The following NDEL1 variants were observed in gnomAD, a reference collection of about 807,000 sequenced individuals.
NDEL1 encodes nuclear distribution protein nudE-like 1.
NDEL1 carries 9 observed loss-of-function variants against 45.7 expected under a neutral mutation model. The ratio of observed to expected loss-of-function variants is 0.20; its 90% CI spans 0.12 to 0.34. The LOEUF is 0.34. NDEL1 is among the 10% of genes least tolerant of loss of function. NDEL1 has a pLI of 1.00. For missense variants in NDEL1, 306 were observed against 406.2 expected, an observed-to-expected ratio of 0.75 and a Z score of 2.12; for synonymous variants, 133 against 158.6, an observed-to-expected ratio of 0.84 and a Z score of 1.21.
intron 1 of NDEL1, among the ~76,000 whole-genome samples, chr17:8,421,561 G>A (rs368744085): frequency 3.3e-5 from 5 of 152,184 alleles, no homozygotes; most frequent in Non-Finnish European, 7.3e-5. Flanking sequence ...AGGAACCAAC[G>A]CTGCCCGACA....
upstream of NDEL1, among the ~76,000 whole-genome samples, chr17:8,431,012 A>G (rs1908986096): frequency 6.6e-6 from 1 of 152,174 alleles, no homozygotes; most frequent in South Asian, 2.1e-4. Flanking sequence ...GATAAGGCCA[A>G]TAGTCCAGTC....
intron 1 of NDEL1, among the ~76,000 whole-genome samples, chr17:8,415,397 A>G (rs1448006467): frequency 1.3e-5 from 2 of 148,906 alleles, no homozygotes; most frequent in South Asian, 2.1e-4. Flanking sequence ...ATTTATATGT[A>G]TACTTTTTTT....
chr17:8,418,827 C>T (rs1357478809), intron 1 of NDEL1, among the ~76,000 whole-genome samples: 2 of 125,534 alleles, frequency 1.6e-5, no homozygotes, highest in African/African-American at 5.2e-5. Context: ...CTTCCTCTCT[C>T]TCTCTCTCTT....
At chr17:8,472,429 G>A (rs1235080898), downstream of NDEL1, among the ~76,000 whole-genome samples, 1 of 152,192 alleles carries the variant, frequency 6.6e-6, no homozygotes, top group African/African-American at 2.4e-5. Flanking sequence ...AGGCCAAGGC[G>A]GGACGAATCA....
chr17:8,446,856 G>A lies in NDEL1; in HGVS notation c.343G>A (p.Val115Met). 6.2e-7 allele frequency: 1 copy of A among 1,614,182 alleles called. No individual in the cohort carries two copies. The highest frequency in any genetic ancestry group is 8.5e-7 in the Non-Finnish European group (1 of 1,180,024). ...CATTAAGGAGCAGTTGCATAAGTATGTGAGAGAGCTGGAGCAGGCCAACGA... is the reference window on the plus strand; with the variant it reads ...CATTAAGGAGCAGTTGCATAAGTATATGAGAGAGCTGGAGCAGGCCAACGA... ...RAIKEQLHKY[V>M]RELEQANDDL... The change falls in exon 4 of 9, where the codon GTG becomes ATG. Residue 115 changes from valine to methionine, a missense_variant. By Grantham distance (21) the Val-to-Met change is conservative. Transcript: ENST00000334527.
intron 1 of NDEL1, among the ~76,000 whole-genome samples, chr17:8,426,534 A>G (rs1454791067): frequency 6.6e-6 from 1 of 152,128 alleles, no homozygotes; most frequent in Non-Finnish European, 1.5e-5. Context: ...TGGGCAATTA[A>G]CAGTGTCATG....
At position 8,417,533 on chromosome 17, in the gene NDEL1, G is replaced by T. The variant is rs572705797; in HGVS notation, c.-13+4264G>T. ...CAAGGAACTAGAAGCCGATTGAAGG[G>T]TGTTTGGGTCTGTGTCTGTGCGTGT... On this transcript the variant is annotated intron_variant, in intron 1 of 4. Transcript: ENST00000582812. 1.2e-4 allele frequency among the ~76,000 whole-genome samples: 19 copies of T among 152,306 alleles called. No homozygotes were observed. In the South Asian group the frequency reaches 3.1e-3, roughly 25 times the overall value.
chr17:8,471,797 A>G (rs921387498), downstream of NDEL1, among the ~76,000 whole-genome samples: 7 of 152,332 alleles, frequency 4.6e-5, no homozygotes, highest in African/African-American at 1.7e-4. Flanking sequence ...GCAGGTGCCT[A>G]CAGAAGGAAG....
upstream of NDEL1, chr17:8,431,875 C>T (rs1456025974): frequency 8.0e-4 from 18 of 22,480 alleles, no homozygotes; most frequent in East Asian, 0.031. Context: ...GGTCAAGACA[C>T]CTTTTTTTTT....
At position 8,468,161 on chromosome 17, in the gene NDEL1, G is replaced by A. The variant is rs562361370; in HGVS notation, c.*1138G>A. 6.6e-6 allele frequency: 1 copy of A among 152,440 alleles called. No homozygotes were observed. Among genetic ancestry groups the A allele is most frequent in the African/African-American group, 2.4e-5 (1 of 41,568 alleles). 9.4% of individuals were successfully genotyped at this position (152,440 alleles called of 1,614,324 possible). A position where few individuals can be genotyped will look rare whatever the true frequency, so the allele number is the denominator to read the frequency against. The stretch of plus-strand genomic sequence containing the variant: ...AAACAATAAATTTCACAGAAAAAAA[G>A]GATTGACGTTGCTTTATTCAGTCTC... On this transcript the variant is annotated 3_prime_UTR_variant, in exon 9 of 9. Transcript: ENST00000334527.
chr17:8,472,022 TC>T (rs1199651144), downstream of NDEL1, among the ~76,000 whole-genome samples: 2 of 152,146 alleles, frequency 1.3e-5, no homozygotes. Context: ...CCTCACCACT[TC>T]CTAACGATTC....
At position 8,466,996 on chromosome 17, in the gene NDEL1, G is replaced by C; in HGVS notation, c.1011G>C (p.Ala337=). Residue 337 remains alanine (A), a synonymous_variant, in exon 9 of 9, where the codon GCG becomes GCC. Coordinates refer to ENST00000334527, the MANE Select transcript of NDEL1 (RefSeq NM_030808.5). Reference sequence around the variant, plus strand: ...TGGGCTCCTCGCGTCCATCGTCAGCGCCGGGTATGCTGCCTCTCAGTGTGT... The same window carrying C: ...TGGGCTCCTCGCGTCCATCGTCAGCCCCGGGTATGCTGCCTCTCAGTGTGT... The part of the protein sequence containing the change: ...PGLGSSRPSS[A]PGMLPLSV 1.9e-6 allele frequency: 3 copies of C among 1,614,072 alleles called. No homozygotes were observed. Among genetic ancestry groups the C allele is most frequent in the Non-Finnish European group, 2.5e-6 (3 of 1,180,014 alleles).
At chr17:8,448,743 G>C (rs1910260088) in intron 5 of NDEL1, 57 bp downstream of exon 5, 15 of 1,498,220 alleles carry the variant, frequency 1.0e-5, no homozygotes, top group Non-Finnish European at 1.4e-5. Flanking sequence ...GGTTTGAATT[G>C]TGTGGGCCCA....
At chr17:8,455,034 C>G in intron 7 of NDEL1, 147 bp downstream of exon 7, 1 of 736,468 alleles carries the variant, frequency 1.4e-6, no homozygotes, top group South Asian at 1.6e-5. Flanking sequence ...ATTGACTAGC[C>G]AAGTCCAGAT....
chr17:8,426,799 T>C (rs1028947452), intron 1 of NDEL1, among the ~76,000 whole-genome samples: 2 of 152,130 alleles, frequency 1.3e-5, no homozygotes, highest in Non-Finnish European at 2.9e-5. Flanking sequence ...CAAACCTCAA[T>C]AGGGGATTAA....
At chr17:8,413,222 GT>G (rs1908464494) in exon 1 of NDEL1, 1 of 152,386 alleles carries the variant, frequency 6.6e-6, no homozygotes, top group Admixed American at 6.5e-5. Flanking sequence ...CGTGGGCCCC[GT>G]ATGCTGCCGT....
upstream of NDEL1, among the ~76,000 whole-genome samples, chr17:8,431,042 G>A (rs938490326): frequency 6.6e-6 from 1 of 152,178 alleles, no homozygotes; most frequent in African/African-American, 2.4e-5. Flanking sequence ...ACCAGTTTTG[G>A]GTCCAGGCCG....
chr17:8,432,746 G>A (rs1015569739), upstream of NDEL1, among the ~76,000 whole-genome samples: 7 of 152,076 alleles, frequency 4.6e-5, no homozygotes, highest in African/African-American at 1.7e-4. Flanking sequence ...GGACTGTAAG[G>A]TGATGTCTAC....
At chr17:8,419,215 A>G (rs1449963202) in intron 1 of NDEL1, among the ~76,000 whole-genome samples, 1 of 152,140 alleles carries the variant, frequency 6.6e-6, no homozygotes, top group Non-Finnish European at 1.5e-5. Context: ...TTCTTAATGA[A>G]TTCATCTAAA....
Sources: allele counts gnomAD v4.1 joint callset (sites outside exome capture counted in the v4.1 genomes callset), GRCh38; gene constraint gnomAD v4.1.1; transcripts MANE v1.5; gene names NCBI Gene and HGNC (gene_info 2026-07-23, HGNC 2026-07-21).